The following PCLO variants were observed in gnomAD, a reference collection of about 807,000 sequenced individuals.
PCLO encodes protein piccolo.
A neutral mutation model predicts 427.5 loss-of-function variants in PCLO; 82 were observed. The ratio of observed to expected loss-of-function variants is 0.19; its 90% CI spans 0.16 to 0.23. The LOEUF is 0.23. Among genes scored for constraint, PCLO ranks in the 10% least tolerant of loss-of-function variants. The pLI is 1.00. For synonymous variants in PCLO, 2,357 were observed against 2,155.4 expected, an observed-to-expected ratio of 1.09 and a Z score of -2.59; for missense variants, 6,239 against 6,115.9, an observed-to-expected ratio of 1.02 and a Z score of -0.67.
intron 9 of PCLO, among the ~76,000 whole-genome samples, chr7:82,882,707 T>A (rs567569364): frequency 6.6e-6 from 1 of 152,214 alleles, no homozygotes; most frequent in African/African-American, 2.4e-5. Flanking sequence ...GAAAATGCAT[T>A]ACCTCTACTA....
At chr7:82,857,678 C>T (rs1792844397) in intron 10 of PCLO, among the ~76,000 whole-genome samples, 1 of 151,838 alleles carries the variant, frequency 6.6e-6, no homozygotes, top group Non-Finnish European at 1.5e-5. Context: ...AACTTTAAAG[C>T]ATGTGTAAAA....
intron 22 of PCLO, among the ~76,000 whole-genome samples, chr7:82,786,560 T>C (rs953816717): frequency 7.2e-5 from 11 of 152,126 alleles, no homozygotes; most frequent in Non-Finnish European, 1.2e-4. Context: ...TTTTGCAAAA[T>C]GAATAATTAG....
rs116085011 is a variant in PCLO, at chr7:82,891,345, T to C, written c.13528+11306A>G. ...AAGGCAAGGAGAGGTAAGAATTCTG[T>C]TGGTGTATAAGAATGCTTGTGATTT... On this transcript the variant is annotated intron_variant, in intron 9 of 24. Transcript: ENST00000333891. Among the ~76,000 whole-genome samples, 881 of 152,208 alleles carry C rather than the reference T, an allele frequency of 5.8e-3. 13 individuals are homozygous for C. The highest frequency in any genetic ancestry group is 0.02 in the African/African-American group (832 of 41,562).
rs1791820413 is a variant in PCLO at position 82,822,561 on chromosome 7, G to C, written c.14725C>G (p.Leu4909Val). 13 of 1,613,804 alleles carry C rather than the reference G, an allele frequency of 8.1e-6. No homozygotes were observed. Among genetic ancestry groups the C allele is most frequent in the Non-Finnish European group, 1.1e-5 (13 of 1,179,876 alleles). ...QSKTSVTQTH[L>V]EDAGAAIAAA... ...GCTATGGCAGCCCCTGCATCTTCCA[G>C]GTGGGTCTGAGTGACGCTGGTTTTG... The change falls in exon 20 of 25, where the codon CTG becomes GTG. Residue 4909 changes from leucine (L) to valine (V), a missense_variant. Transcript: ENST00000333891.
chr7:82,789,587 TC>T (rs1421120890), intron 22 of PCLO, among the ~76,000 whole-genome samples: 1 of 152,042 alleles, frequency 6.6e-6, no homozygotes, highest in Non-Finnish European at 1.5e-5. Flanking sequence ...GCACCTGTAA[TC>T]CAGCTACTCG....
chr7:82,791,185 G>C (rs1791093300), intron 22 of PCLO, among the ~76,000 whole-genome samples: 1 of 151,498 alleles, frequency 6.6e-6, no homozygotes, highest in Non-Finnish European at 1.5e-5. Context: ...AATGAAAGTT[G>C]TGTTGTTGTT....
chr7:82,981,073 A>G (rs966396526), intron 3 of PCLO, among the ~76,000 whole-genome samples: 2 of 152,176 alleles, frequency 1.3e-5, no homozygotes, highest in African/African-American at 4.8e-5. Flanking sequence ...CATGTACCCA[A>G]GAACTTAAAG....
At chr7:83,049,182 A>G (rs1391462505) in intron 3 of PCLO, among the ~76,000 whole-genome samples, 1 of 152,196 alleles carries the variant, frequency 6.6e-6, no homozygotes, top group Non-Finnish European at 1.5e-5. Flanking sequence ...TCTCTAATGT[A>G]TAATATTTTG....
At chr7:82,962,634 A>C (rs1232986876) in intron 4 of PCLO, among the ~76,000 whole-genome samples, 1 of 152,012 alleles carries the variant, frequency 6.6e-6, no homozygotes, top group Non-Finnish European at 1.5e-5. Flanking sequence ...TGTACCAATG[A>C]AGACATAGCC....
At chr7:82,822,710 C>T (rs144683337) in intron 19 of PCLO, 21 bp from the exon 20 acceptor site, 1 of 1,607,556 alleles carries the variant, frequency 6.2e-7, no homozygotes, top group African/African-American at 1.3e-5. Flanking sequence ...AAGGGTAAAA[C>T]ATGAGTTAAA....
chr7:83,011,417 C>A (rs942046505), intron 3 of PCLO, among the ~76,000 whole-genome samples: 1 of 151,892 alleles, frequency 6.6e-6, no homozygotes, highest in African/African-American at 2.4e-5. Context: ...TTGTTGAACA[C>A]TGTTAGATAA....
chr7:82,881,545 C>T (rs1435188210), intron 9 of PCLO, among the ~76,000 whole-genome samples: 1 of 152,138 alleles, frequency 6.6e-6, no homozygotes, highest in African/African-American at 2.4e-5. Flanking sequence ...TAGAATAATA[C>T]AGTCATGACA....
intron 3 of PCLO, among the ~76,000 whole-genome samples, chr7:83,020,403 G>C (rs986714931): frequency 1.2e-4 from 18 of 151,796 alleles, no homozygotes; most frequent in Admixed American, 3.9e-4. Flanking sequence ...GTAGTAAGAG[G>C]GGGGGCCTTT....
chr7:82,764,252 G>A (rs1418090764), intron 22 of PCLO, among the ~76,000 whole-genome samples: 3 of 151,780 alleles, frequency 2.0e-5, no homozygotes, highest in Non-Finnish European at 4.4e-5. Context: ...GGCAGTCAAT[G>A]GTCATGTAAG....
chr7:82,894,704 C>G (rs1793858485), intron 9 of PCLO, among the ~76,000 whole-genome samples: 1 of 151,962 alleles, frequency 6.6e-6, no homozygotes, highest in African/African-American at 2.4e-5. Context: ...CCATCCCCAG[C>G]TAAGTTGTCA....
At chr7:82,940,647 C>A (rs1444231925) in intron 6 of PCLO, among the ~76,000 whole-genome samples, 1 of 149,904 alleles carries the variant, frequency 6.7e-6, no homozygotes, top group African/African-American at 2.5e-5. Context: ...TCTTCACAGG[C>A]TAAGCTTTTA....
intron 9 of PCLO, among the ~76,000 whole-genome samples, chr7:82,895,828 C>T (rs924247721): frequency 2.0e-5 from 3 of 151,834 alleles, no homozygotes; most frequent in African/African-American, 7.2e-5. Context: ...GGATGTCTTA[C>T]TGAAAAAGAA....
intron 10 of PCLO, among the ~76,000 whole-genome samples, chr7:82,858,202 TGAA>T (rs1792857293): frequency 6.6e-6 from 1 of 151,936 alleles, no homozygotes; most frequent in Non-Finnish European, 1.5e-5. Context: ...ATTAAAAAAA[TGAA>T]GAACAAAAAG....
rs565378687 is a variant in PCLO, at chr7:82,955,493, C to T, written c.5460G>A (p.Arg1820=). 1.2e-6 allele frequency: 2 copies of T among 1,613,598 alleles called. No individual in the cohort carries two copies. Among genetic ancestry groups the T allele is most frequent in the Non-Finnish European group, 1.7e-6 (2 of 1,179,790 alleles). The change falls in exon 5 of 25, where the codon AGG becomes AGA. Residue 1820 remains arginine, a synonymous_variant. Coordinates refer to ENST00000333891, the MANE Select transcript of PCLO (RefSeq NM_033026.6). The part of the protein sequence containing the change: ...DKDELRAQRR[R]ERPKTPPSNL... ...TACTAGGTGGTGTCTTTGGCCTTTCCCTTCTTCTCTGAGCTCGAAGTTCAT... is the reference window on the plus strand; with the variant it reads ...TACTAGGTGGTGTCTTTGGCCTTTCTCTTCTTCTCTGAGCTCGAAGTTCAT...
Sources: gnomAD v4.1 joint callset for allele counts (sites outside exome capture counted in the v4.1 genomes callset) on GRCh38, gnomAD v4.1.1 for gene constraint, MANE v1.5 for transcripts, NCBI Gene and HGNC (gene_info 2026-07-23, HGNC 2026-07-21) for gene names.